The following PCDH9 variants were observed in gnomAD, a reference collection of about 807,000 sequenced individuals.
PCDH9 encodes protocadherin 9.
A neutral mutation model predicts 70.6 loss-of-function variants in PCDH9; 24 were observed. That is an observed-to-expected ratio of 0.34 (90% CI 0.25 to 0.48). PCDH9 has a LOEUF of 0.48. Among genes scored for constraint, PCDH9 ranks in the 20% least tolerant of loss-of-function variants. PCDH9 has a pLI of 0.99. For synonymous variants in PCDH9, 562 were observed against 558.5 expected (o/e 1.01, Z -0.09); for missense variants, 1,281 against 1,503.6 (o/e 0.85, Z 2.45).
At chr13:67,061,853 T>C (rs2085545541) in intron 2 of PCDH9, among the ~76,000 whole-genome samples, 1 of 152,168 alleles carries the variant, frequency 6.6e-6, no homozygotes, top group Admixed American at 6.6e-5. Context: ...CTTTCTTGAA[T>C]CGTCTTTTGG....
At chr13:67,156,135 A>G (rs2087805854) in intron 2 of PCDH9, among the ~76,000 whole-genome samples, 1 of 151,998 alleles carries the variant, frequency 6.6e-6, no homozygotes, top group South Asian at 2.1e-4. Context: ...CCACCGACCT[A>G]GATGAGGACC....
chr13:66,995,692 G>A (rs1359308106), intron 2 of PCDH9, among the ~76,000 whole-genome samples: 2 of 152,110 alleles, frequency 1.3e-5, no homozygotes, highest in African/African-American at 4.8e-5. Context: ...AAAGACTACT[G>A]CTTCTTGAGC....
chr13:67,082,980 C>T (rs1012836486), intron 2 of PCDH9, among the ~76,000 whole-genome samples: 1 of 152,062 alleles, frequency 6.6e-6, no homozygotes, highest in Non-Finnish European at 1.5e-5. Flanking sequence ...TGGAATACCT[C>T]TGGAAATTTT....
At chr13:66,630,154 TA>T (rs539869130) in intron 4 of PCDH9, among the ~76,000 whole-genome samples, 17 of 152,246 alleles carry the variant, frequency 1.1e-4, no homozygotes, top group Admixed American at 6.5e-4. Context: ...CAAGCAAAAA[TA>T]TTTTTTTTTG....
In PCDH9 at chr13:66,307,080, C is replaced by A. The variant is rs546934849; in HGVS notation, c.3341-2052G>T. Among the ~76,000 whole-genome samples the A allele has an allele frequency of 7.2e-5, 11 of 152,182 alleles. No individual in the cohort carries two copies. The South Asian group carries it at 1.2e-3, about 17-fold the overall frequency. On this transcript the variant is annotated intron_variant, in intron 4 of 4. Coordinates refer to ENST00000377865, the MANE Select transcript of PCDH9 (RefSeq NM_203487.3). Reference sequence around the variant, plus strand: ...GCAAGCTTCCATAACTCTACCAATTCATGCTTCATATGCACCTTGATTTCC... The same window carrying A: ...GCAAGCTTCCATAACTCTACCAATTAATGCTTCATATGCACCTTGATTTCC...
chr13:66,952,675 T>C (rs1049497865), intron 2 of PCDH9, among the ~76,000 whole-genome samples: 2 of 152,124 alleles, frequency 1.3e-5, no homozygotes, highest in Admixed American at 6.6e-5. Flanking sequence ...TCTAACTCTC[T>C]CAATGGCAGA....
chr13:66,908,359 GTGT>G (rs1461969044), intron 2 of PCDH9, among the ~76,000 whole-genome samples: 2 of 152,050 alleles, frequency 1.3e-5, no homozygotes, highest in Non-Finnish European at 2.9e-5. Flanking sequence ...TTAACTGTTC[GTGT>G]TGTTGTCAAA....
At chr13:66,777,165 A>G (rs2079910042) in intron 3 of PCDH9, among the ~76,000 whole-genome samples, 1 of 152,060 alleles carries the variant, frequency 6.6e-6, no homozygotes. Context: ...TAGACCTAAA[A>G]CCATAAAAAC....
At chr13:66,828,813 T>A (rs1209790089) in intron 3 of PCDH9, among the ~76,000 whole-genome samples, 6 of 134,018 alleles carry the variant, frequency 4.5e-5, no homozygotes, top group Admixed American at 1.5e-4. Context: ...ATACATAAAA[T>A]AATAATAATA....
In PCDH9 at chr13:66,304,686, G is replaced by T. The variant is rs746411543; in HGVS notation, c.3683C>A (p.Ala1228Asp). The change falls in exon 5 of 5, where the codon GCT (alanine) becomes GAT (aspartate). Residue 1228 changes from alanine (A) to aspartate (D), a missense_variant. This residue lies in a region of PCDH9 where 264 missense variants were observed against 278.8 expected (regional missense o/e 0.95). Coordinates refer to ENST00000377865, the MANE Select transcript of PCDH9 (RefSeq NM_203487.3). ...TTGGTGCTCCTTAGGACTCTCAGTA[G>T]CACCTCCTGCTTGCTTATAAGACTT... ...NLKSYKQAGGATESPKEHQL is the reference protein window; with the variant it reads ...NLKSYKQAGGDTESPKEHQL 5.0e-6 allele frequency: 8 copies of T among 1,612,950 alleles called. No individual in the cohort carries two copies. Among genetic ancestry groups the T allele is most frequent in the Non-Finnish European group, 6.8e-6 (8 of 1,179,330 alleles).
chr13:67,168,674 T>C (rs1001450397), intron 2 of PCDH9, among the ~76,000 whole-genome samples: 2 of 151,954 alleles, frequency 1.3e-5, no homozygotes, highest in Admixed American at 1.3e-4. Context: ...GATGCTGTGG[T>C]GAGCTGTGTT....
rs1209046302 is a variant in PCDH9, at chr13:66,523,484, A to G, written c.3340+107726T>C. On this transcript the variant is annotated intron_variant, in intron 4 of 4. Transcript: ENST00000377865. ...ATTTCATTTGTTCAAGTAGCACATA[A>G]TGTGTGTCTTCTGAACGTAGTTTTT... Among the ~76,000 whole-genome samples the G allele has an allele frequency of 2.0e-5, 3 of 152,032 alleles. No homozygotes were observed. In the South Asian group the frequency reaches 6.2e-4, roughly 31 times the overall value.
intron 2 of PCDH9, among the ~76,000 whole-genome samples, chr13:67,197,085 T>C (rs889777801): frequency 1.4e-5 from 2 of 142,784 alleles, no homozygotes; most frequent in Non-Finnish European, 3.1e-5. Flanking sequence ...ATGGACAAAA[T>C]ATAGAAAAAA....
chr13:66,421,900 T>G (rs574841315), intron 4 of PCDH9, among the ~76,000 whole-genome samples: 2 of 152,306 alleles, frequency 1.3e-5, no homozygotes, highest in Non-Finnish European at 2.9e-5. Flanking sequence ...CGGTGTGCTG[T>G]ATTCAGGAGA....
At chr13:66,921,263 C>T (rs185691682) in intron 2 of PCDH9, among the ~76,000 whole-genome samples, 1 of 150,980 alleles carries the variant, frequency 6.6e-6, no homozygotes, top group Non-Finnish European at 1.5e-5. Flanking sequence ...TATTGAATAG[C>T]ATTTTAAAAT....
chr13:66,758,398 T>A (rs1197310556), intron 3 of PCDH9, among the ~76,000 whole-genome samples: 2 of 152,166 alleles, frequency 1.3e-5, no homozygotes, highest in Admixed American at 6.5e-5. Context: ...ACTCTCTTTT[T>A]CTAGGAGATT....
chr13:66,925,514 T>C (rs1594267882), intron 2 of PCDH9, among the ~76,000 whole-genome samples: 1 of 152,086 alleles, frequency 6.6e-6, no homozygotes, highest in South Asian at 2.1e-4. Context: ...CTGCACATTA[T>C]CTTAGTTGCA....
chr13:67,195,439 A>G (rs2089036767), intron 2 of PCDH9, among the ~76,000 whole-genome samples: 1 of 152,104 alleles, frequency 6.6e-6, no homozygotes, highest in Non-Finnish European at 1.5e-5. Context: ...CACCGCGTAC[A>G]TTTTGAGATC....
At chr13:66,877,547 G>C (rs1296573598) in intron 3 of PCDH9, among the ~76,000 whole-genome samples, 1 of 152,042 alleles carries the variant, frequency 6.6e-6, no homozygotes, top group African/African-American at 2.4e-5. Context: ...AGGCGTTTAG[G>C]GGTTTCCTCT....
Sources: allele counts gnomAD v4.1 joint callset (sites outside exome capture counted in the v4.1 genomes callset), GRCh38; gene constraint gnomAD v4.1.1; regional missense constraint gnomAD v4.1.1; transcripts MANE v1.5; gene names NCBI Gene and HGNC (gene_info 2026-07-23, HGNC 2026-07-21).